The following CTNNA1 variants were observed in gnomAD, a reference collection of about 807,000 sequenced individuals.
CTNNA1 encodes catenin alpha-1.
In CTNNA1, 37 loss-of-function variants were observed where a neutral mutation model predicts 98.4. The observed-to-expected ratio is 0.38, with a 90% CI of 0.29 to 0.49. The LOEUF (loss-of-function observed/expected upper bound fraction) is 0.49. CTNNA1 is among the 20% of genes least tolerant of loss of function. CTNNA1 has a pLI of 0.95. For missense variants in CTNNA1, 761 were observed against 1,147.2 expected, an observed-to-expected ratio of 0.66 and a Z score of 4.86; for synonymous variants, 404 against 413.2, an observed-to-expected ratio of 0.98 and a Z score of 0.27.
intron 7 of CTNNA1, among the ~76,000 whole-genome samples, chr5:138,868,453 G>C (rs1765005714): frequency 6.6e-6 from 1 of 152,172 alleles, no homozygotes; most frequent in Non-Finnish European, 1.5e-5. Flanking sequence ...CCTAGGAGTG[G>C]CATGGAAGGT....
At chr5:138,916,694 C>A (rs1761860858) in intron 10 of CTNNA1, among the ~76,000 whole-genome samples, 1 of 151,670 alleles carries the variant, frequency 6.6e-6, no homozygotes, top group Non-Finnish European at 1.5e-5. Flanking sequence ...AGCTCATTTT[C>A]TTTATTGTTT....
intron 1 of CTNNA1, among the ~76,000 whole-genome samples, chr5:138,762,543 C>G (rs1752481668): frequency 6.6e-6 from 1 of 151,996 alleles, no homozygotes; most frequent in Admixed American, 6.6e-5. Context: ...TGCCACAACT[C>G]CATTTCTAAT....
chr5:138,811,182 G>A (rs1226835645), intron 4 of CTNNA1, among the ~76,000 whole-genome samples: 18 of 147,946 alleles, frequency 1.2e-4, no homozygotes, highest in African/African-American at 4.5e-4. Context: ...CAGGCGGAGG[G>A]TCTCCTCACT....
chr5:138,854,822 T>C (rs1763578320), intron 7 of CTNNA1, among the ~76,000 whole-genome samples: 1 of 152,250 alleles, frequency 6.6e-6, no homozygotes, highest in African/African-American at 2.4e-5. Flanking sequence ...GCACATCCAG[T>C]GTACTTCATA....
chr5:138,855,915 T>C (rs534670528), intron 7 of CTNNA1, among the ~76,000 whole-genome samples: 2 of 152,346 alleles, frequency 1.3e-5, no homozygotes, highest in East Asian at 3.9e-4. Flanking sequence ...TGAAGAGCTC[T>C]TATTATTACA....
intron 11 of CTNNA1, among the ~76,000 whole-genome samples, chr5:138,919,320 C>T (rs760911291): frequency 5.3e-5 from 8 of 152,164 alleles, no homozygotes; most frequent in Admixed American, 3.3e-4. Context: ...AGCCCCCCTC[C>T]GGATAAATAC....
intron 1 of CTNNA1, among the ~76,000 whole-genome samples, chr5:138,764,342 G>C (rs1246741057): frequency 6.6e-6 from 1 of 151,974 alleles, no homozygotes; most frequent in African/African-American, 2.4e-5. Context: ...CTCCAGCCTG[G>C]GCAACAAGAG....
At position 138,873,981 on chromosome 5, in the gene CTNNA1, G is replaced by A. The variant is rs1377007255; in HGVS notation, c.1063-12231G>A. The A allele has an allele frequency of 6.2e-7, 1 of 1,613,936 alleles. No individual in the cohort carries two copies. Among genetic ancestry groups the A allele is most frequent in the Non-Finnish European group, 8.5e-7 (1 of 1,179,872 alleles). On this transcript the variant is annotated intron_variant, in intron 7 of 17. Transcript: ENST00000302763. This position sits in a 1 kb window ranked among gnomAD's most constrained non-coding sequence, Gnocchi z 6.1. ...GCAAATCCATTGCGAGCCAAACTTC[G>A]CAAACGATTTGTGCTCAAATCCAGA...
intron 7 of CTNNA1, among the ~76,000 whole-genome samples, chr5:138,829,192 A>G (rs1027425893): frequency 2.0e-5 from 3 of 152,236 alleles, no homozygotes; most frequent in South Asian, 4.1e-4. Flanking sequence ...TGTTAAATCA[A>G]ATGGAAAAAG....
In CTNNA1 at chr5:138,782,646, A is replaced by T. The variant is rs28363385; in HGVS notation, c.106-531A>T. 0.023 allele frequency among the ~76,000 whole-genome samples: 3,480 copies of T among 152,318 alleles called. 136 individuals carry two copies. Among genetic ancestry groups the T allele is most frequent in the African/African-American group, 0.081 (3,346 of 41,546 alleles). The stretch of plus-strand genomic sequence containing the variant: ...TGGTATTATGTGTATTAATGATGGT[A>T]ATGTTCTAAGACATAAAGCGTCATC... On this transcript the variant is annotated intron_variant, in intron 2 of 17. Transcript: ENST00000302763.
intron 1 of CTNNA1, among the ~76,000 whole-genome samples, chr5:138,779,717 G>GT (rs1419754755): frequency 0.055 from 4,127 of 74,404 alleles, 199 homozygotes; most frequent in East Asian, 0.38. Context: ...GTTTTTTTTT[G>GT]TTTTTGTTTT....
At chr5:138,907,584 A>G (rs1025406064) in intron 10 of CTNNA1, among the ~76,000 whole-genome samples, 3 of 152,196 alleles carry the variant, frequency 2.0e-5, no homozygotes, top group Admixed American at 6.5e-5. Flanking sequence ...AGTGATCACA[A>G]GCACCACGGA....
intron 11 of CTNNA1, among the ~76,000 whole-genome samples, chr5:138,923,937 CTG>C (rs2150282682): frequency 6.6e-6 from 1 of 152,330 alleles, no homozygotes; most frequent in South Asian, 2.1e-4. Flanking sequence ...ATAAGCCCAT[CTG>C]TGTACCATGA....
intron 11 of CTNNA1, among the ~76,000 whole-genome samples, chr5:138,919,584 GGTGA>G (rs1762484777): frequency 6.6e-6 from 1 of 152,200 alleles, no homozygotes; most frequent in African/African-American, 2.4e-5. Flanking sequence ...ACTGTTGTCT[GGTGA>G]GTGTGTTCAG....
intron 11 of CTNNA1, among the ~76,000 whole-genome samples, chr5:138,922,816 A>AC (rs1195068198): frequency 1.3e-5 from 2 of 151,848 alleles, no homozygotes; most frequent in East Asian, 3.9e-4. Context: ...AGAGAATATT[A>AC]CTTTGGTCAG....
chr5:138,891,617 G>A (rs543818874), intron 9 of CTNNA1, among the ~76,000 whole-genome samples: 65 of 152,080 alleles, frequency 4.3e-4, no homozygotes, highest in Non-Finnish European at 7.6e-4. Flanking sequence ...AAAATTAGCC[G>A]GGCATGGTGG....
chr5:138,779,562 C>T (rs752350975), intron 1 of CTNNA1, among the ~76,000 whole-genome samples: 1 of 151,708 alleles, frequency 6.6e-6, no homozygotes, highest in Non-Finnish European at 1.5e-5. Flanking sequence ...GAAATGGGAT[C>T]TCTCTGTGTG....
intron 3 of CTNNA1, among the ~76,000 whole-genome samples, chr5:138,796,212 T>C (rs1255165091): frequency 6.6e-6 from 1 of 152,248 alleles, no homozygotes; most frequent in African/African-American, 2.4e-5. Context: ...TATTAATAAA[T>C]AGTTACAATC....
At chr5:138,755,853 T>C in intron 1 of CTNNA1, among the ~76,000 whole-genome samples, 3 of 11,538 alleles carry the variant, frequency 2.6e-4, no homozygotes, top group African/African-American at 7.7e-4. Flanking sequence ...TTCTTTTTTT[T>C]TTTTTTTTTT....
Sources: gnomAD v4.1 joint callset for allele counts (sites outside exome capture counted in the v4.1 genomes callset) on GRCh38, gnomAD v4.1.1 for gene constraint, Gnocchi (gnomAD v3.1) non-coding constraint, MANE v1.5 for transcripts, NCBI Gene and HGNC (gene_info 2026-07-23, HGNC 2026-07-21) for gene names.